GPRASP3: variants seen among roughly 807,000 people sequenced by gnomAD.
GPRASP3 encodes G protein-coupled receptor associated sorting protein 3.
the GPRASP3 span, among the ~76,000 whole-genome samples, chrX:102,723,028 G>A: frequency 9.0e-6 from 1 of 111,183 alleles, no homozygotes. Context: ...TTAAGGTGAT[G>A]TATATCTCAA....
At chrX:102,752,333 C>A in the GPRASP3 span, 2 of 123,418 alleles carry the variant, frequency 1.6e-5, no homozygotes, top group Non-Finnish European at 3.8e-5. Flanking sequence ...TTGAGATTTT[C>A]TGCCAGTTAA....
chrX:102,723,332 C>T, the GPRASP3 span, among the ~76,000 whole-genome samples: 5 of 111,428 alleles, frequency 4.5e-5, no homozygotes, highest in African/African-American at 1.6e-4. Flanking sequence ...TACTTTAAGC[C>T]CTCCTATTTA....
chrX:102,750,114 G>C, the GPRASP3 span: 5 of 1,211,036 alleles, frequency 4.1e-6, no homozygotes, highest in South Asian at 1.8e-5. Flanking sequence ...TTGAAAGCTT[G>C]CTCAGTTTTC....
At chrX:102,741,035 T>G in the GPRASP3 span, among the ~76,000 whole-genome samples, 11 of 111,589 alleles carry the variant, frequency 9.9e-5, no homozygotes, top group East Asian at 2.5e-3. Context: ...GTACCTAATA[T>G]GTTAAGGGTA....
the GPRASP3 span, among the ~76,000 whole-genome samples, chrX:102,734,677 C>G: frequency 4.5e-5 from 5 of 111,566 alleles, no homozygotes; most frequent in East Asian, 8.4e-4. Context: ...GATGAAAAGT[C>G]CTAGGGCAGC....
At chrX:102,746,465 C>T in the GPRASP3 span, among the ~76,000 whole-genome samples, 1 of 112,713 alleles carries the variant, frequency 8.9e-6, no homozygotes, top group Non-Finnish European at 1.9e-5. Context: ...CCGCCCTCGA[C>T]GGTGTCTGTG....
chrX:102,742,584 AAACTT>A, the GPRASP3 span, among the ~76,000 whole-genome samples: 1 of 112,181 alleles, frequency 8.9e-6, no homozygotes. Flanking sequence ...ACAGCAAACT[AAACTT>A]TAGTTCTCAA....
the GPRASP3 span, among the ~76,000 whole-genome samples, chrX:102,724,085 T>C: frequency 6.3e-5 from 7 of 111,682 alleles, no homozygotes; most frequent in East Asian, 2.0e-3. Context: ...TTTCAGTTAA[T>C]TATGAAACCT....
At chrX:102,749,792 G>A in the GPRASP3 span, 6 of 1,209,787 alleles carry the variant, frequency 5.0e-6, no homozygotes, top group Non-Finnish European at 6.7e-6. Context: ...ACAGCTTGCC[G>A]CCCTTCTAGG....
At chrX:102,745,602 G>C in the GPRASP3 span, among the ~76,000 whole-genome samples, 2 of 111,104 alleles carry the variant, frequency 1.8e-5, no homozygotes, top group Admixed American at 1.9e-4. Context: ...GAGAGTGAGA[G>C]GGCTGGGGAG....
chrX:102,725,306 G>A, the GPRASP3 span, among the ~76,000 whole-genome samples: 1 of 111,655 alleles, frequency 9.0e-6, no homozygotes, highest in Admixed American at 9.5e-5. Flanking sequence ...TGTATTGTGT[G>A]CTTTACTACT....
the GPRASP3 span, among the ~76,000 whole-genome samples, chrX:102,746,413 C>G: frequency 8.9e-6 from 1 of 112,850 alleles, no homozygotes; most frequent in African/African-American, 3.2e-5. Context: ...GGAGGAGAAC[C>G]GCGCTGACCG....
chrX:102,727,335 A>G, the GPRASP3 span, among the ~76,000 whole-genome samples: 1 of 112,240 alleles, frequency 8.9e-6, no homozygotes, highest in Non-Finnish European at 1.9e-5. Flanking sequence ...AAGAAAAGAC[A>G]ATCTTTTCTG....
the GPRASP3 span, chrX:102,748,799 G>A: frequency 7.7e-6 from 3 of 387,443 alleles, no homozygotes; most frequent in South Asian, 6.7e-5. Flanking sequence ...CAGCCCGAGC[G>A]TGCCTCTGCC....
At chrX:102,739,032 T>C in the GPRASP3 span, among the ~76,000 whole-genome samples, 2 of 111,503 alleles carry the variant, frequency 1.8e-5, no homozygotes, top group Non-Finnish European at 3.8e-5. Flanking sequence ...ATGGTTGCAT[T>C]CTTTTGAGTT....
the GPRASP3 span, among the ~76,000 whole-genome samples, chrX:102,737,438 C>T: frequency 2.7e-4 from 30 of 111,920 alleles, no homozygotes; most frequent in African/African-American, 9.8e-4. Flanking sequence ...AAGGTAGCTT[C>T]GACAAAGGAA....
At chrX:102,746,981 G>A in the GPRASP3 span, among the ~76,000 whole-genome samples, 1 of 112,015 alleles carries the variant, frequency 8.9e-6, no homozygotes. Flanking sequence ...TTTAAGTAAT[G>A]TAATGATGTG....
the GPRASP3 span, chrX:102,751,275 T>C: frequency 2.4e-5 from 3 of 124,015 alleles, no homozygotes; most frequent in Non-Finnish European, 5.6e-5. Context: ...TACATCAAAG[T>C]TATCTCACAA....
At chrX:102,724,130 G>A in the GPRASP3 span, among the ~76,000 whole-genome samples, 3 of 111,747 alleles carry the variant, frequency 2.7e-5, no homozygotes, top group Non-Finnish European at 5.6e-5. Flanking sequence ...TTTATAAGTG[G>A]TCAGTCAGAA....
Sources: allele counts gnomAD v4.1 joint callset (sites outside exome capture counted in the v4.1 genomes callset), GRCh38; gene constraint gnomAD v4.1.1; transcripts MANE v1.5; gene names NCBI Gene and HGNC (gene_info 2026-07-23, HGNC 2026-07-21).